The following SLC9A8 variants were observed in gnomAD, a reference collection of about 807,000 sequenced individuals.
The protein encoded by SLC9A8 is sodium/hydrogen exchanger 8.
SLC9A8 carries 48 observed loss-of-function variants against 66.6 expected under a neutral mutation model. The ratio of observed to expected loss-of-function variants is 0.72; its 90% CI spans 0.57 to 0.92. SLC9A8 has a LOEUF of 0.92. SLC9A8 is among the 40% of genes least tolerant of loss of function. SLC9A8 has a pLI of 0.00. For synonymous variants in SLC9A8, 274 were observed against 282.6 expected (o/e 0.97, Z 0.31); for missense variants, 599 against 747.3 (o/e 0.80, Z 2.31).
chr20:49,852,053 G>A (rs1324896280), intron 7 of SLC9A8, among the ~76,000 whole-genome samples: 1 of 152,182 alleles, frequency 6.6e-6, no homozygotes, highest in African/African-American at 2.4e-5. Flanking sequence ...CTCTCCGTGT[G>A]CAGAAGTTTC....
At chr20:49,848,802 T>C (rs758073647) in intron 5 of SLC9A8, among the ~76,000 whole-genome samples, 6 of 152,202 alleles carry the variant, frequency 3.9e-5, no homozygotes, top group Non-Finnish European at 7.3e-5. Context: ...TATCTTGGTA[T>C]CCTAATAGTG....
At chr20:49,887,613 C>G (rs2089937722) in intron 15 of SLC9A8, among the ~76,000 whole-genome samples, 2 of 152,110 alleles carry the variant, frequency 1.3e-5, no homozygotes, top group Non-Finnish European at 2.9e-5. Flanking sequence ...AAGCCATGCT[C>G]CCTCCTCCTT....
chr20:49,886,989 G>A lies in SLC9A8; in HGVS notation c.1638+91G>A, dbSNP rs1190203877. On this transcript the variant is annotated intron_variant, in intron 15 of 15. Transcript: ENST00000361573. The surrounding 1 kb of genome is among the most constrained non-coding windows in gnomAD (Gnocchi z 4.8). ...GCCCAGGGTGGGGTGGAGGAAGAGT[G>A]GGGAGGCAGGAAAGCTCACGTGGGC... is the stretch of plus-strand genomic sequence containing the variant. 3 of 1,440,696 alleles carry A rather than the reference G, an allele frequency of 2.1e-6. No homozygotes were observed. Among genetic ancestry groups the A allele is most frequent in the African/African-American group, 2.8e-5 (2 of 70,628 alleles). 89.2% of individuals were successfully genotyped at this position (1,440,696 alleles called of 1,614,324 possible). A position where few individuals can be genotyped will look rare whatever the true frequency, so the allele number is the denominator to read the frequency against.
chr20:49,867,781 C>G (rs1007542297), intron 10 of SLC9A8, among the ~76,000 whole-genome samples: 3 of 152,074 alleles, frequency 2.0e-5, no homozygotes, highest in Admixed American at 2.0e-4. Flanking sequence ...ATCAGGTTTT[C>G]TAGTTATGTA....
In SLC9A8 at chr20:49,886,630, T is replaced by C; in HGVS notation, c.1492-122T>C. On this transcript the variant is annotated intron_variant, in intron 14 of 15. Transcript: ENST00000361573. The surrounding 1 kb of genome is among the most constrained non-coding windows in gnomAD (Gnocchi z 4.8). ...GCCGTCTGCTGCCCGTCACCCTGCATTGATGGTCAAGTGGAGTTAGGGTTG... is the reference window on the plus strand; with the variant it reads ...GCCGTCTGCTGCCCGTCACCCTGCACTGATGGTCAAGTGGAGTTAGGGTTG... 1.7e-6 allele frequency: 2 copies of C among 1,191,776 alleles called. No individual in the cohort carries two copies. The highest frequency in any genetic ancestry group is 2.4e-6 in the Non-Finnish European group (2 of 847,700). 73.8% of individuals were successfully genotyped at this position (1,191,776 alleles called of 1,614,324 possible).
In SLC9A8 at chr20:49,890,814, C is replaced by G. The variant is rs2090024703; in HGVS notation, c.*2878C>G. 6.6e-6 allele frequency: 1 copy of G among 152,314 alleles called. No homozygotes were observed. The highest frequency in any genetic ancestry group is 1.5e-5 in the Non-Finnish European group (1 of 68,122). 9.4% of individuals were successfully genotyped at this position (152,314 alleles called of 1,614,324 possible). A position where few individuals can be genotyped will look rare whatever the true frequency, so the allele number is the denominator to read the frequency against. On this transcript the variant is annotated 3_prime_UTR_variant, in exon 16 of 16. Coordinates refer to ENST00000361573, the MANE Select transcript of SLC9A8 (RefSeq NM_015266.3). ...CCCCTACCCTAAGCCAGCCACCCCT[C>G]TTCACAGTGGGTGAGCTGGGCTGGG...
chr20:49,873,755 G>A (rs1364327129), intron 10 of SLC9A8, among the ~76,000 whole-genome samples: 2 of 65,840 alleles, frequency 3.0e-5, no homozygotes, highest in Non-Finnish European at 5.6e-5. Flanking sequence ...TGGGCAAAAA[G>A]ACTGAAACTC....
rs1369554286 is a variant in SLC9A8, at chr20:49,849,570, T to C, written c.433-9T>C. 3.1e-6 allele frequency: 5 copies of C among 1,606,736 alleles called. No individual in the cohort carries two copies. The highest frequency in any genetic ancestry group is 4.3e-6 in the Non-Finnish European group (5 of 1,173,554). ...TAATCATTTCCCTGATTTCTGCTCT[T>C]TCAAACAGGGTAACTTCTTTCAAAA... On this transcript the variant is annotated splice_polypyrimidine_tract_variant and intron_variant, in intron 5 of 15. Transcript: ENST00000361573.
chr20:49,878,239 G>A (rs576216165), intron 12 of SLC9A8, among the ~76,000 whole-genome samples, 176 bp downstream of exon 12: 167 of 151,944 alleles, frequency 1.1e-3, no homozygotes, highest in African/African-American at 3.7e-3. Context: ...CAGTAAGGGG[G>A]CAGGGGTAGA....
chr20:49,815,500 G>C, intron 2 of SLC9A8: 1 of 207,912 alleles, frequency 4.8e-6, no homozygotes, highest in East Asian at 1.1e-4. Flanking sequence ...TGACATCTCA[G>C]CACTTTGGGA....
Position 49,834,709 on chromosome 20 carries a change from TC to T in SLC9A8, c.290-4831del, listed in dbSNP as rs1486298198. Among the ~76,000 whole-genome samples, 7 of 152,026 alleles carry T rather than the reference TC, an allele frequency of 4.6e-5. No homozygotes were observed. The East Asian group carries it at 1.4e-3, about 29-fold the overall frequency. ...GTATTTTACAGCGCTTCCTAGTACA[TC>T]ATAAATAATAAAAAGACGCAGGCTT... On this transcript the variant is annotated intron_variant, in intron 3 of 15. Coordinates refer to ENST00000361573, the MANE Select transcript of SLC9A8 (RefSeq NM_015266.3).
At chr20:49,861,125 G>T (rs1034742938) in intron 8 of SLC9A8, among the ~76,000 whole-genome samples, 11 of 152,192 alleles carry the variant, frequency 7.2e-5, no homozygotes, top group African/African-American at 2.7e-4. Flanking sequence ...GTGTGGCCCA[G>T]ATGTTTAGAT....
At chr20:49,824,137 G>A (rs1176745403) in intron 3 of SLC9A8, among the ~76,000 whole-genome samples, 2 of 152,184 alleles carry the variant, frequency 1.3e-5, no homozygotes, top group Admixed American at 1.3e-4. Context: ...ATCCTGGCTT[G>A]TGAGGCTTCA....
At chr20:49,830,867 C>T in intron 3 of SLC9A8, 2 of 1,427,300 alleles carry the variant, frequency 1.4e-6, no homozygotes, top group Admixed American at 3.4e-5. Flanking sequence ...TGGCCAGCAT[C>T]TTCCTAGACC....
At chr20:49,875,445 G>T (rs892162344) in intron 11 of SLC9A8, among the ~76,000 whole-genome samples, 12 of 152,148 alleles carry the variant, frequency 7.9e-5, no homozygotes, top group African/African-American at 2.9e-4. Flanking sequence ...TTCCAAACTT[G>T]TCCACAGAAT....
chr20:49,839,460 C>G, intron 3 of SLC9A8, 81 bp from the exon 4 acceptor site: 2 of 967,516 alleles, frequency 2.1e-6, no homozygotes, highest in Non-Finnish European at 3.2e-6. Flanking sequence ...TCAGGACCTC[C>G]TGAGGCTGTG....
At chr20:49,830,653 T>C in intron 3 of SLC9A8, 1 of 640,690 alleles carries the variant, frequency 1.6e-6, no homozygotes, top group South Asian at 1.8e-5. Flanking sequence ...GACAGGGGCC[T>C]ATAGGAGGAC....
chr20:49,873,327 C>T (rs908148160), intron 10 of SLC9A8, among the ~76,000 whole-genome samples: 6 of 151,580 alleles, frequency 4.0e-5, no homozygotes, highest in African/African-American at 1.2e-4. Context: ...TACAAAAATA[C>T]AAAAATTAGC....
At chr20:49,860,115 C>G (rs1254995105) in intron 8 of SLC9A8, among the ~76,000 whole-genome samples, 1 of 152,132 alleles carries the variant, frequency 6.6e-6, no homozygotes, top group Non-Finnish European at 1.5e-5. Context: ...TGTGTGTGAC[C>G]TGCAGATCCA....
Sources: allele counts gnomAD v4.1 joint callset (sites outside exome capture counted in the v4.1 genomes callset), GRCh38; gene constraint gnomAD v4.1.1; non-coding constraint Gnocchi (gnomAD v3.1); transcripts MANE v1.5; gene names NCBI Gene and HGNC (gene_info 2026-07-23, HGNC 2026-07-21).